The following SELP variants were observed in gnomAD, a reference collection of about 807,000 sequenced individuals.
SELP encodes the protein P-selectin.
SELP carries 92 observed loss-of-function variants against 104.1 expected under a neutral mutation model. The ratio of observed to expected loss-of-function variants is 0.88; its 90% CI spans 0.75 to 1.05. The LOEUF is 1.05. Among genes scored for constraint, SELP ranks in the 50% least tolerant of loss-of-function variants. SELP has a pLI of 0.00. For missense variants in SELP, 1,022 were observed against 1,017.3 expected, an observed-to-expected ratio of 1.00 and a Z score of -0.06; for synonymous variants, 397 against 364.5, an observed-to-expected ratio of 1.09 and a Z score of -1.01.
At chr1:169,609,730 G>T (rs1398577152) in intron 7 of SELP, 41 bp from the exon 8 acceptor site, 1 of 1,554,106 alleles carries the variant, frequency 6.4e-7, no homozygotes, top group Non-Finnish European at 8.7e-7. Context: ...GTAATGGAAG[G>T]GCCGGGTTCT....
rs975679345 is a variant in SELP, at chr1:169,611,500, G to A, written c.1139C>T (p.Thr380Ile). 6.2e-7 allele frequency: 1 copy of A among 1,613,784 alleles called. No homozygotes were observed. The highest frequency in any genetic ancestry group is 1.1e-5 in the South Asian group (1 of 91,078). ...DSGHWSAPLP[T>I]CEAISCEPLE... ...CTAATGAAAAATCCTACCCTCACAGGTTGGCAAGGGTGCAGACCAGTGTCC... is the reference window on the plus strand; with the variant it reads ...CTAATGAAAAATCCTACCCTCACAGATTGGCAAGGGTGCAGACCAGTGTCC... The change falls in exon 7 of 17, where the codon ACC (threonine) becomes ATC (isoleucine). Residue 380 changes from threonine to isoleucine, a missense_variant. By Grantham distance (89) the Thr-to-Ile change is moderately conservative. Transcript: ENST00000263686.
rs777957371 is a variant in SELP at position 169,597,260 on chromosome 1, C to A, written c.1706-84G>T. On this transcript the variant is annotated intron_variant, in intron 10 of 16. Coordinates refer to ENST00000263686, the MANE Select transcript of SELP (RefSeq NM_003005.4). The stretch of plus-strand genomic sequence containing the variant: ...CACAAAGTTCATTCACTTATATATT[C>A]AAAAAATATTTATTAAGCACCTATA... 36 of 1,226,348 alleles carry A rather than the reference C, an allele frequency of 2.9e-5. No individual in the cohort carries two copies. In the African/African-American group the frequency reaches 5.4e-4, roughly 18 times the overall value. The allele number at this position is 1,226,348 out of a possible 1,614,324, so 76.0% of individuals were successfully genotyped here. A position where few individuals can be genotyped will look rare whatever the true frequency, so the allele number is the denominator to read the frequency against.
Position 169,624,664 on chromosome 1 carries a change from G to A in SELP, c.3+5408C>T, listed in dbSNP as rs192793325. On this transcript the variant is annotated intron_variant, in intron 1 of 16. Transcript: ENST00000263686. ...CTTGGGAGGCTGAGGCAGGAGAATC[G>A]CTTGAACCCAGAAGGCAGAGGTGGC... 2.2e-4 allele frequency among the ~76,000 whole-genome samples: 33 copies of A among 152,266 alleles called. No homozygotes were observed. The East Asian group carries it at 3.9e-3, about 18-fold the overall frequency.
At chr1:169,609,088 G>A (rs945805758) in intron 8 of SELP, among the ~76,000 whole-genome samples, 1 of 152,014 alleles carries the variant, frequency 6.6e-6, no homozygotes, top group Non-Finnish European at 1.5e-5. Context: ...AGGTAGGTAA[G>A]GCTGATAATA....
At chr1:169,624,526 G>A (rs1663281048) in intron 1 of SELP, among the ~76,000 whole-genome samples, 1 of 152,200 alleles carries the variant, frequency 6.6e-6, no homozygotes, top group South Asian at 2.1e-4. Context: ...AAGGTGGGCA[G>A]ATCACTTGAG....
intron 14 of SELP, among the ~76,000 whole-genome samples, chr1:169,592,547 T>C (rs942515009): frequency 6.6e-6 from 1 of 152,194 alleles, no homozygotes; most frequent in East Asian, 1.9e-4. Flanking sequence ...AAACAAAACT[T>C]TATGAACTTA....
intron 10 of SELP, among the ~76,000 whole-genome samples, chr1:169,600,243 A>C (rs3917783): frequency 0.67 from 101,483 of 152,074 alleles, 35,138 homozygotes; most frequent in East Asian, 0.96. Context: ...AAAATAAATT[A>C]TATAAAGTTC....
At chr1:169,611,139 A>G (rs1662509921) in intron 7 of SELP, among the ~76,000 whole-genome samples, 1 of 152,058 alleles carries the variant, frequency 6.6e-6, no homozygotes, top group Non-Finnish European at 1.5e-5. Context: ...GCTACCCTCA[A>G]AGACTACATG....
intron 10 of SELP, among the ~76,000 whole-genome samples, chr1:169,598,464 G>T (rs1306974177): frequency 1.3e-5 from 2 of 152,140 alleles, no homozygotes; most frequent in Admixed American, 1.3e-4. Context: ...ATTCATTGAA[G>T]GATTATGGAT....
intron 8 of SELP, among the ~76,000 whole-genome samples, chr1:169,607,567 A>T (rs1319716613): frequency 6.6e-6 from 1 of 152,208 alleles, no homozygotes; most frequent in Non-Finnish European, 1.5e-5. Context: ...AATATATTTT[A>T]ACTTGTAAAG....
chr1:169,600,683 T>G (rs1036865156), intron 10 of SELP, among the ~76,000 whole-genome samples: 1 of 152,174 alleles, frequency 6.6e-6, no homozygotes, highest in South Asian at 2.1e-4. Context: ...ATCCTAGAAC[T>G]CTGCAAAACA....
chr1:169,613,373 C>CT (rs1326013519), intron 4 of SELP, among the ~76,000 whole-genome samples: 1 of 152,096 alleles, frequency 6.6e-6, no homozygotes. Flanking sequence ...TTTCCCTTTT[C>CT]TTTTTTGAAA....
At position 169,603,070 on chromosome 1, in the gene SELP, C is replaced by T. The variant is rs1310675589; in HGVS notation, c.1661G>A (p.Cys554Tyr). The part of the protein sequence containing the change: ...YSLSGPERLD[C>Y]TRSGRWTDSP... ...GTCTGTCCAGCGTCCCGATCGAGTA[C>T]AATCCAATCTTTCTGGTCCAGACAA... The change falls in exon 10 of 17, where the codon TGT (cysteine) becomes TAT (tyrosine). Residue 554 changes from cysteine (C) to tyrosine (Y), a missense_variant. Physicochemically the swap from Cys to Tyr is radical, Grantham distance 194. Transcript: ENST00000263686. 3.7e-6 allele frequency: 6 copies of T among 1,614,078 alleles called. No individual in the cohort carries two copies. The South Asian group carries it at 5.5e-5, about 15-fold the overall frequency.
rs146823185 is a variant in SELP at position 169,606,865 on chromosome 1, A to G, written c.1519+84T>C. On this transcript the variant is annotated intron_variant, in intron 9 of 16. Transcript: ENST00000263686. ...TCCAGTCCATTTCAAGGTGGATCTT[A>G]CATAGTTGTCACCTCTAAAATCCAG... 7.6e-3 allele frequency: 9,423 copies of G among 1,234,514 alleles called. 44 individuals carry two copies. Among genetic ancestry groups the G allele is most frequent in the Non-Finnish European group, 9.5e-3 (8,170 of 858,102 alleles). 76.5% of individuals were successfully genotyped at this position (1,234,514 alleles called of 1,614,324 possible).
chr1:169,607,102 C>T lies in SELP; in HGVS notation c.1366G>A (p.Glu456Lys). The T allele has an allele frequency of 4.4e-6, 7 of 1,605,722 alleles. No homozygotes were observed. Among genetic ancestry groups the T allele is most frequent in the Non-Finnish European group, 6.0e-6 (7 of 1,173,320 alleles). ...GGGTGGGAGCAGTTCACCCGGGCCT[C>T]ATTTGGAACTGGGAGATCCTGGCAC... ...LQCQDLPVPN[E>K]ARVNCSHPFG... Residue 456 changes from glutamate to lysine, a missense_variant, in exon 9 of 17, where the codon GAG becomes AAG. By Grantham distance (56) the Glu-to-Lys change is moderately conservative (BLOSUM62 1). Transcript: ENST00000263686.
intron 10 of SELP, among the ~76,000 whole-genome samples, chr1:169,601,322 C>T (rs544670754): frequency 5.3e-5 from 8 of 152,272 alleles, no homozygotes; most frequent in Middle Eastern, 3.4e-3. Context: ...ACCAGGGAAG[C>T]GACCTCAAAG....
intron 2 of SELP, among the ~76,000 whole-genome samples, chr1:169,618,766 T>C (rs111967014): frequency 2.8e-4 from 43 of 152,328 alleles, no homozygotes; most frequent in Middle Eastern, 3.4e-3. Flanking sequence ...TATTAAAAAT[T>C]CTATTTTGCA....
At chr1:169,627,532 T>C (rs1159780265) in intron 1 of SELP, among the ~76,000 whole-genome samples, 1 of 152,262 alleles carries the variant, frequency 6.6e-6, no homozygotes, top group Admixed American at 6.5e-5. Flanking sequence ...TTTGACTTCA[T>C]GAAGTTTCTG....
chr1:169,629,975 G>A (rs1162774685), intron 1 of SELP, 97 bp downstream of exon 1: 3 of 1,477,888 alleles, frequency 2.0e-6, no homozygotes, highest in Admixed American at 1.7e-5. Context: ...CATGGCTATC[G>A]CTGTTCCTCA....
Sources: allele counts gnomAD v4.1 joint callset (sites outside exome capture counted in the v4.1 genomes callset), GRCh38; gene constraint gnomAD v4.1.1; transcripts MANE v1.5; gene names NCBI Gene and HGNC (gene_info 2026-07-23, HGNC 2026-07-21).